Variants in POLD1 observed in about 807,000 individuals in gnomAD.
The protein encoded by POLD1 is DNA polymerase delta catalytic subunit.
Under a neutral mutation model 129.7 loss-of-function variants are expected in POLD1, and 79 were observed. That is an observed-to-expected ratio of 0.61 (90% CI 0.51 to 0.73). The LOEUF (loss-of-function observed/expected upper bound fraction) is 0.73, where lower values mean the gene tolerates loss of function less well. Ranked by LOEUF, POLD1 falls within the 30% of genes least tolerant of loss-of-function variation. The pLI is 0.00. For missense variants in POLD1, 1,338 were observed against 1,595.8 expected, an observed-to-expected ratio of 0.84 and a Z score of 2.75; for synonymous variants, 714 against 683.3, an observed-to-expected ratio of 1.04 and a Z score of -0.70.
rs1259688688 is a variant in POLD1, at chr19:50,386,767, C to G, written c.-2+2377C>G. Among the ~76,000 whole-genome samples the G allele has an allele frequency of 4.6e-5, 7 of 152,322 alleles. No homozygotes were observed. In the South Asian group the frequency reaches 1.4e-3, roughly 32 times the overall value. On this transcript the variant is annotated intron_variant, in intron 1 of 26. Coordinates refer to ENST00000440232, the MANE Select transcript of POLD1 (RefSeq NM_002691.4). Reference sequence around the variant, plus strand: ...TCCTTGCTCTGCCATCCAGAGGTCCCTGGCTGGTAAGGGAGGAAGACACAC... The same window carrying G: ...TCCTTGCTCTGCCATCCAGAGGTCCGTGGCTGGTAAGGGAGGAAGACACAC...
At chr19:50,412,724 G>A (rs2039128499) in intron 17 of POLD1, among the ~76,000 whole-genome samples, 2 of 151,412 alleles carry the variant, frequency 1.3e-5, no homozygotes, top group Non-Finnish European at 2.9e-5. Context: ...TGGTGGTGGT[G>A]GTGGTGGTGG....
Position 50,409,297 on chromosome 19 carries a change from T to G in POLD1, c.2006+62T>G. ...TGTTGGGGCCTCTGGGCAATCCCTG[T>G]CCCTCACTGGGACACCCCAGGGCTG... On this transcript the variant is annotated intron_variant, in intron 16 of 26. Transcript: ENST00000440232. This position sits in a 1 kb window ranked among gnomAD's most constrained non-coding sequence, Gnocchi z 5.8. 7.6e-7 allele frequency: 1 copy of G among 1,324,288 alleles called. No homozygotes were observed. Among genetic ancestry groups the G allele is most frequent in the Non-Finnish European group, 1.1e-6 (1 of 923,422 alleles). The allele number at this position is 1,324,288 out of a possible 1,614,324, so 82.0% of individuals were successfully genotyped here. A position where few individuals can be genotyped will look rare whatever the true frequency, so the allele number is the denominator to read the frequency against.
At chr19:50,398,625 G>A (rs1369161497) in intron 1 of POLD1, among the ~76,000 whole-genome samples, 1 of 151,890 alleles carries the variant, frequency 6.6e-6, no homozygotes, top group African/African-American at 2.4e-5. Context: ...AGTGTGATGG[G>A]AGAGAGGGTC....
chr19:50,386,582 A>G (rs947151655), intron 1 of POLD1, among the ~76,000 whole-genome samples: 28 of 152,374 alleles, frequency 1.8e-4, no homozygotes, highest in Admixed American at 5.9e-4. Context: ...AAGTGGCACA[A>G]GGCGTTGTGG....
chr19:50,389,525 C>T lies in POLD1; in HGVS notation c.-2+5135C>T, dbSNP rs3219313. Among the ~76,000 whole-genome samples, 1,194 of 152,144 alleles carry T rather than the reference C, an allele frequency of 7.8e-3. 12 individuals are homozygous for T. Among genetic ancestry groups the T allele is most frequent in the African/African-American group, 0.028 (1,142 of 41,498 alleles). On this transcript the variant is annotated intron_variant, in intron 1 of 26. Transcript: ENST00000440232. ...TGAGACAGTGACGTTATTGAATAGA[C>T]GATTCTTATTTAGATCTGCCACGTG... is the stretch of plus-strand genomic sequence containing the variant.
rs772197667 is a variant in POLD1 at position 50,398,885 on chromosome 19, G to A, written c.34G>A (p.Gly12Arg). Reference protein sequence around the residue: ...DGKRRPGPGPGVPPKRARGGL... With the variant: ...DGKRRPGPGPRVPPKRARGGL... Reference sequence around the variant, plus strand: ...CAAGCGGCGGCCAGGCCCAGGGCCCGGGGTGCCCCCAAAGCGGGCCCGTGG... The same window carrying A: ...CAAGCGGCGGCCAGGCCCAGGGCCCAGGGTGCCCCCAAAGCGGGCCCGTGG... The change falls in exon 2 of 27, where the codon GGG becomes AGG. Residue 12 changes from glycine to arginine, a missense_variant. Gly to Arg is a moderately radical substitution (Grantham distance 125). This residue lies in a region of POLD1 where 332 missense variants were observed against 315.7 expected (regional missense o/e 1.05). Transcript: ENST00000440232. The A allele has an allele frequency of 2.9e-5, 46 of 1,607,314 alleles. 1 individual carries two copies. The highest frequency in any genetic ancestry group is 1.7e-4 in the African/African-American group (13 of 74,954).
At position 50,413,837 on chromosome 19, in the gene POLD1, G is replaced by A. The variant is rs1406011948; in HGVS notation, c.2346G>A (p.Val782=). The A allele has an allele frequency of 1.2e-5, 19 of 1,611,786 alleles. No individual in the cohort carries two copies. Among genetic ancestry groups the A allele is most frequent in the Non-Finnish European group, 1.6e-5 (19 of 1,179,106 alleles). Residue 782 remains valine, a synonymous_variant, in exon 19 of 27, where the codon GTG becomes GTA. Coordinates refer to ENST00000440232, the MANE Select transcript of POLD1 (RefSeq NM_002691.4). ...TGGGGCGGGAGGCCGCGGACTGGGTGTCAGGTCACTTCCCGTCGCCCATCC... is the reference window on the plus strand; with the variant it reads ...TGGGGCGGGAGGCCGCGGACTGGGTATCAGGTCACTTCCCGTCGCCCATCC... ...MALGREAADW[V]SGHFPSPIRL...
intron 3 of POLD1, among the ~76,000 whole-genome samples, 181 bp downstream of exon 3, chr19:50,399,665 G>T (rs1319760547): frequency 6.6e-6 from 1 of 152,222 alleles, no homozygotes; most frequent in South Asian, 2.1e-4. Flanking sequence ...GGGTGCCAGG[G>T]GTTGTGGAGT....
intron 10 of POLD1, among the ~76,000 whole-genome samples, chr19:50,405,018 G>T (rs2038822676): frequency 6.6e-6 from 1 of 151,918 alleles, no homozygotes; most frequent in South Asian, 2.1e-4. Context: ...GCCCACTTCG[G>T]CCTCCCAAAG....
chr19:50,414,692 G>A (rs2039209271), intron 19 of POLD1, 123 bp from the exon 20 acceptor site: 1 of 748,460 alleles, frequency 1.3e-6, no homozygotes, highest in Non-Finnish European at 2.1e-6. Context: ...CCAGGCTCAG[G>A]GCACGGCTCC....
At chr19:50,414,521 G>A (rs2039203719) in intron 19 of POLD1, among the ~76,000 whole-genome samples, 1 of 152,256 alleles carries the variant, frequency 6.6e-6, no homozygotes, top group Admixed American at 6.5e-5. Flanking sequence ...TCTCTTTCAT[G>A]GGATGCTTCA....
Position 50,407,146 on chromosome 19 carries a change from T to TCA in POLD1, c.1659_1660dup (p.Lys554ThrfsTer17), listed in dbSNP as rs1568628019. On this transcript the variant is annotated frameshift_variant, in exon 13 of 27. Coordinates refer to ENST00000440232, the MANE Select transcript of POLD1 (RefSeq NM_002691.4). LOFTEE classifies it high-confidence loss of function. Reference sequence around the variant, plus strand: ...TACCTGCTCAGTCGTGGCCAGCAGGTCAAGGTCGTATCCCAGCTGTTGCGG... The same window carrying TCA: ...TACCTGCTCAGTCGTGGCCAGCAGGTCACAAGGTCGTATCCCAGCTGTTGCGG... 1 of 1,611,612 alleles carries TCA rather than the reference T, an allele frequency of 6.2e-7. No individual in the cohort carries two copies.
intron 1 of POLD1, among the ~76,000 whole-genome samples, chr19:50,396,254 T>C (rs934529968): frequency 6.6e-6 from 1 of 151,542 alleles, no homozygotes; most frequent in Non-Finnish European, 1.5e-5. Flanking sequence ...ACCCAGCTAA[T>C]TTTTTTGTAT....
intron 14 of POLD1, 57 bp from the exon 15 acceptor site, chr19:50,408,727 CG>C: frequency 2.5e-6 from 4 of 1,596,542 alleles, no homozygotes; most frequent in Admixed American, 1.7e-5. Context: ...CAAGACAGGG[CG>C]GGGGCGGCAT....
At chr19:50,387,027 C>A (rs553521034) in intron 1 of POLD1, among the ~76,000 whole-genome samples, 1 of 152,122 alleles carries the variant, frequency 6.6e-6, no homozygotes, top group Admixed American at 6.5e-5. Context: ...CCCGTCTCTA[C>A]TAAAAATACA....
At chr19:50,405,811 A>C (rs931731917) in intron 10 of POLD1, among the ~76,000 whole-genome samples, 30 of 151,936 alleles carry the variant, frequency 2.0e-4, no homozygotes, top group African/African-American at 6.5e-4. Flanking sequence ...CTCAGCATCC[A>C]TCTCAGCCCA....
At position 50,406,045 on chromosome 19, in the gene POLD1, C is replaced by T; in HGVS notation, c.1243-137C>T. 1.0e-6 allele frequency: 1 copy of T among 990,848 alleles called. No individual in the cohort carries two copies. The highest frequency in any genetic ancestry group is 2.4e-5 in the East Asian group (1 of 41,486). 61.4% of individuals were successfully genotyped at this position (990,848 alleles called of 1,614,324 possible). ...CCAGCCACCCACACCCAGCCCCAGA[C>T]CGTCTTTCTGCCCCCAGGGTTGCTC... is the stretch of plus-strand genomic sequence containing the variant. On this transcript the variant is annotated intron_variant, in intron 10 of 26. Coordinates refer to ENST00000440232, the MANE Select transcript of POLD1 (RefSeq NM_002691.4). The surrounding 1 kb of genome is among the most constrained non-coding windows in gnomAD (Gnocchi z 5.5).
At chr19:50,387,207 C>T (rs1363899051) in intron 1 of POLD1, among the ~76,000 whole-genome samples, 1 of 152,122 alleles carries the variant, frequency 6.6e-6, no homozygotes, top group Admixed American at 6.5e-5. Flanking sequence ...ATCCCAGCTA[C>T]CTGCGAGGCT....
At position 50,416,199 on chromosome 19, in the gene POLD1, C is replaced by T. The variant is rs935020724; in HGVS notation, c.2821-197C>T. On this transcript the variant is annotated intron_variant, in intron 22 of 26. Transcript: ENST00000440232. Reference sequence around the variant, plus strand: ...CTTCCCCTTGTGAACTCTGACCCTTCCGTGGTGACCTGAGAGCCCTACAGA... The same window carrying T: ...CTTCCCCTTGTGAACTCTGACCCTTTCGTGGTGACCTGAGAGCCCTACAGA... 3.6e-5 allele frequency: 22 copies of T among 606,476 alleles called. No individual in the cohort carries two copies. The Admixed American group carries it at 5.9e-4, about 16-fold the overall frequency. 37.6% of individuals were successfully genotyped at this position (606,476 alleles called of 1,614,324 possible).
Sources: allele counts gnomAD v4.1 joint callset (sites outside exome capture counted in the v4.1 genomes callset), GRCh38; gene constraint gnomAD v4.1.1; regional missense constraint gnomAD v4.1.1; non-coding constraint Gnocchi (gnomAD v3.1); transcripts MANE v1.5; gene names NCBI Gene and HGNC (gene_info 2026-07-23, HGNC 2026-07-21).